The following SHANK2 variants were observed in gnomAD, a reference collection of about 807,000 sequenced individuals.
SHANK2 encodes SH3 and multiple ankyrin repeat domains 2.
Under a neutral mutation model 133.7 loss-of-function variants are expected in SHANK2, and 43 were observed. The observed-to-expected ratio is 0.32, with a 90% confidence interval of 0.25 to 0.41. The LOEUF is 0.41. SHANK2 is among the 10% of genes least tolerant of loss of function. The pLI, the probability that SHANK2 is intolerant of heterozygous loss-of-function variation, is 1.00. For missense variants in SHANK2, 1,994 were observed against 2,235.8 expected (o/e 0.89, Z 2.18); for synonymous variants, 1,017 against 952.8 (o/e 1.07, Z -1.24).
intron 25 of SHANK2, among the ~76,000 whole-genome samples, chr11:70,476,305 G>C (rs933437004): frequency 6.6e-6 from 1 of 152,160 alleles, no homozygotes; most frequent in Non-Finnish European, 1.5e-5. Context: ...CTTCACAGCA[G>C]GGGAGAGGGG....
chr11:71,129,556 G>C (rs1555103345), intron 3 of SHANK2, among the ~76,000 whole-genome samples: 1 of 152,084 alleles, frequency 6.6e-6, no homozygotes, highest in African/African-American at 2.4e-5. Flanking sequence ...GAGATAGAAG[G>C]GTCCCTTGAG....
intron 2 of SHANK2, among the ~76,000 whole-genome samples, chr11:71,194,964 T>C (rs1299277236): frequency 6.6e-6 from 1 of 152,214 alleles, no homozygotes; most frequent in Non-Finnish European, 1.5e-5. Flanking sequence ...GTTAATGGTT[T>C]ACAATCCCAA....
At chr11:70,659,624 C>A (rs539095615) in intron 17 of SHANK2, among the ~76,000 whole-genome samples, 1 of 152,206 alleles carries the variant, frequency 6.6e-6, no homozygotes. Context: ...CAACGGGTTA[C>A]GGCCAAGGCC....
At chr11:70,870,783 A>G (rs782587549) in intron 11 of SHANK2, among the ~76,000 whole-genome samples, 3 of 151,992 alleles carry the variant, frequency 2.0e-5, no homozygotes, top group Non-Finnish European at 4.4e-5. Context: ...TCATTCATTC[A>G]TTTATTTATT....
At chr11:71,136,260 G>C (rs1264548085) in intron 3 of SHANK2, among the ~76,000 whole-genome samples, 1 of 152,176 alleles carries the variant, frequency 6.6e-6, no homozygotes, top group Non-Finnish European at 1.5e-5. Flanking sequence ...GGTCCACCAA[G>C]ACTGGATCAA....
rs151248501 is a variant in SHANK2 at position 70,934,392 on chromosome 11, G to A, written c.1108-37825C>T. ...CGGCCTCCCTCCTGCTTCTCAGGCC[G>A]CCTCTGCTTCCTAAACAGCCCAGCC... is the stretch of plus-strand genomic sequence containing the variant. On this transcript the variant is annotated intron_variant, in intron 10 of 25. Coordinates refer to ENST00000601538, the MANE Select transcript of SHANK2 (RefSeq NM_012309.5). 6.0e-3 allele frequency among the ~76,000 whole-genome samples: 920 copies of A among 152,216 alleles called. 9 individuals are homozygous for A. The highest frequency in any genetic ancestry group is 0.019 in the African/African-American group (796 of 41,530).
At chr11:70,647,041 T>C (rs1555008582) in intron 17 of SHANK2, among the ~76,000 whole-genome samples, 4 of 151,976 alleles carry the variant, frequency 2.6e-5, no homozygotes, top group African/African-American at 9.7e-5. Context: ...TTTGTATTTT[T>C]TTTAGTAGAG....
intron 11 of SHANK2, among the ~76,000 whole-genome samples, chr11:70,839,256 C>G (rs1394759824): frequency 7.2e-5 from 11 of 152,238 alleles, no homozygotes; most frequent in Non-Finnish European, 1.2e-4. Flanking sequence ...CATGTGGGCT[C>G]CAGAACTCAG....
intron 2 of SHANK2, among the ~76,000 whole-genome samples, chr11:71,222,704 G>T (rs1376845970): frequency 1.3e-5 from 2 of 152,238 alleles, no homozygotes; most frequent in African/African-American, 4.8e-5. Flanking sequence ...CGAGCCTGCA[G>T]GGACACGTGC....
At chr11:70,922,332 A>G (rs1565407414) in intron 10 of SHANK2, among the ~76,000 whole-genome samples, 1 of 145,424 alleles carries the variant, frequency 6.9e-6, no homozygotes, top group Non-Finnish European at 1.5e-5. Flanking sequence ...GAGAGATGAA[A>G]AATAGAGCAG....
intron 17 of SHANK2, among the ~76,000 whole-genome samples, chr11:70,578,575 T>C (rs2060145832): frequency 1.3e-5 from 2 of 152,146 alleles, no homozygotes; most frequent in African/African-American, 2.4e-5. Context: ...GTTCCTCCCC[T>C]GTGGAGTAGA....
At chr11:71,166,549 C>T (rs1555110900) in intron 2 of SHANK2, among the ~76,000 whole-genome samples, 1 of 147,584 alleles carries the variant, frequency 6.8e-6, no homozygotes, top group African/African-American at 2.5e-5. Context: ...GGCATGATCT[C>T]GGCTCATTGC....
chr11:70,498,171 C>T (rs1354536587), intron 21 of SHANK2, among the ~76,000 whole-genome samples: 1 of 152,360 alleles, frequency 6.6e-6, no homozygotes, highest in African/African-American at 2.4e-5. Flanking sequence ...TTGAAGTGGT[C>T]TGTCTACTTC....
chr11:70,903,603 A>G (rs1177186536), intron 10 of SHANK2, among the ~76,000 whole-genome samples: 1 of 152,114 alleles, frequency 6.6e-6, no homozygotes, highest in Non-Finnish European at 1.5e-5. Flanking sequence ...AAGACAGTAG[A>G]GGCACCCAGG....
intron 2 of SHANK2, among the ~76,000 whole-genome samples, chr11:71,156,861 T>C (rs1305164138): frequency 5.9e-5 from 9 of 152,206 alleles, no homozygotes; most frequent in Non-Finnish European, 1.5e-5. Context: ...AGAGAAGCTA[T>C]GGTCTGAGTT....
intron 8 of SHANK2, among the ~76,000 whole-genome samples, chr11:71,079,588 G>A (rs984006673): frequency 6.6e-6 from 1 of 151,672 alleles, no homozygotes; most frequent in African/African-American, 2.4e-5. Flanking sequence ...GTGAAACCCC[G>A]TCTCTACTAA....
At chr11:70,808,589 G>A (rs1565331076) in intron 12 of SHANK2, among the ~76,000 whole-genome samples, 1 of 147,858 alleles carries the variant, frequency 6.8e-6, no homozygotes, top group Non-Finnish European at 1.5e-5. Context: ...AAAAAAATTG[G>A]CCAGGCATGG....
chr11:70,885,665 G>A (rs519940), intron 11 of SHANK2, among the ~76,000 whole-genome samples: 139,239 of 152,174 alleles, frequency 0.91, 64,416 homozygotes, highest in Non-Finnish European at 0.98. Flanking sequence ...CAGGAGCTCC[G>A]GCCTCACTGT....
At chr11:70,904,189 G>A (rs891959466) in intron 10 of SHANK2, among the ~76,000 whole-genome samples, 7 of 152,170 alleles carry the variant, frequency 4.6e-5, no homozygotes, top group South Asian at 2.1e-4. Context: ...GGATCAGACT[G>A]CCACAAGGTG....
Sources: allele counts gnomAD v4.1 joint callset (sites outside exome capture counted in the v4.1 genomes callset), GRCh38; gene constraint gnomAD v4.1.1; transcripts MANE v1.5; gene names NCBI Gene and HGNC (gene_info 2026-07-23, HGNC 2026-07-21).